The following NRG2 variants were observed in gnomAD, a reference collection of about 807,000 sequenced individuals.
NRG2 encodes the protein neuregulin 2, also known as pro-neuregulin-2, membrane-bound isoform.
NRG2 carries 27 observed loss-of-function variants against 73.9 expected under a neutral mutation model. The observed-to-expected ratio is 0.37, with a 90% confidence interval of 0.27 to 0.50. NRG2 has a LOEUF of 0.50. NRG2 is among the 20% of genes least tolerant of loss of function. The pLI is 0.96. For synonymous variants in NRG2, 532 were observed against 541.0 expected, an observed-to-expected ratio of 0.98 and a Z score of 0.23; for missense variants, 1,126 against 1,210.1, an observed-to-expected ratio of 0.93 and a Z score of 1.03.
intron 5 of NRG2, chr5:139,859,900 A>C (rs1034083138): frequency 6.8e-6 from 11 of 1,612,022 alleles, no homozygotes; most frequent in Non-Finnish European, 9.3e-6. Flanking sequence ...CTTTAATTCA[A>C]ATCCAAGGTG....
chr5:139,968,660 C>T (rs1186008797), intron 1 of NRG2, among the ~76,000 whole-genome samples: 1 of 152,214 alleles, frequency 6.6e-6, no homozygotes. Flanking sequence ...CGTTCGGCGG[C>T]CTTTCACTGA....
At chr5:140,021,739 A>C (rs1452242287) in intron 1 of NRG2, among the ~76,000 whole-genome samples, 1 of 152,236 alleles carries the variant, frequency 6.6e-6, no homozygotes, top group African/African-American at 2.4e-5. Context: ...TCTGAAGAGC[A>C]AAGGTAGAGA....
intron 1 of NRG2, among the ~76,000 whole-genome samples, chr5:140,023,457 T>C (rs1760399925): frequency 6.6e-6 from 1 of 152,216 alleles, no homozygotes; most frequent in East Asian, 1.9e-4. Context: ...CTAATTAATC[T>C]TCTCGTTCTC....
intron 1 of NRG2, among the ~76,000 whole-genome samples, chr5:139,933,316 G>C (rs1055034731): frequency 6.7e-6 from 1 of 150,282 alleles, no homozygotes; most frequent in Non-Finnish European, 1.5e-5. Context: ...TTCCTCAAAA[G>C]GGACACTTTA....
rs1387655418 is a variant in NRG2 at position 139,848,020 on chromosome 5, T to TCGG, written c.2447_2449dup (p.Ala816dup). 5 of 1,511,534 alleles carry TCGG rather than the reference T, an allele frequency of 3.3e-6. No individual in the cohort carries two copies. The highest frequency in any genetic ancestry group is 4.4e-6 in the Non-Finnish European group (5 of 1,134,870). The allele number at this position is 1,511,534 out of a possible 1,614,324, so 93.6% of individuals were successfully genotyped here. A position where few individuals can be genotyped will look rare whatever the true frequency, so the allele number is the denominator to read the frequency against. On this transcript the variant is annotated inframe_insertion, in exon 10 of 10. Transcript: ENST00000361474. ...GTCCAGTGAGTAGTAAGTCCTGCTG[T>TCGG]CGGCCGCCGGGCACAGTGGCGGCGA...
intron 1 of NRG2, among the ~76,000 whole-genome samples, chr5:140,016,280 C>A (rs1388456548): frequency 2.0e-5 from 3 of 152,168 alleles, no homozygotes; most frequent in Non-Finnish European, 4.4e-5. Context: ...AACCTTGGGG[C>A]AAATGATTTC....
intron 6 of NRG2, among the ~76,000 whole-genome samples, chr5:139,854,573 A>G (rs1354401451): frequency 1.3e-5 from 2 of 152,288 alleles, no homozygotes; most frequent in East Asian, 1.9e-4. Flanking sequence ...CTCTGGGCTC[A>G]CTGGGCCCCA....
chr5:139,968,579 G>A (rs923744739), intron 1 of NRG2, among the ~76,000 whole-genome samples: 2 of 152,236 alleles, frequency 1.3e-5, no homozygotes, highest in South Asian at 2.1e-4. Flanking sequence ...CTGGAAGGAG[G>A]AAGGAGGGCT....
chr5:139,849,881 GCAATCTTGTA>G, intron 9 of NRG2, among the ~76,000 whole-genome samples: 1 of 152,308 alleles, frequency 6.6e-6, no homozygotes, highest in African/African-American at 2.4e-5. Flanking sequence ...AGTTCCCAGA[GCAATCTTGTA>G]AAGTCACAGC....
intron 1 of NRG2, among the ~76,000 whole-genome samples, chr5:139,952,733 C>T (rs1166177382): frequency 1.3e-5 from 2 of 152,148 alleles, no homozygotes; most frequent in Non-Finnish European, 2.9e-5. Flanking sequence ...CTCAGTGCTT[C>T]AATGCTCCAA....
At chr5:139,952,145 T>C (rs2126468028) in intron 1 of NRG2, among the ~76,000 whole-genome samples, 1 of 152,318 alleles carries the variant, frequency 6.6e-6, no homozygotes, top group East Asian at 1.9e-4. Flanking sequence ...TATAATATAT[T>C]TAAAGCATCT....
chr5:139,976,880 G>A (rs2126547839), intron 1 of NRG2, among the ~76,000 whole-genome samples: 1 of 152,366 alleles, frequency 6.6e-6, no homozygotes, highest in South Asian at 2.1e-4. Context: ...GCATGGGAGT[G>A]AGAGAGCCCA....
intron 1 of NRG2, among the ~76,000 whole-genome samples, chr5:139,990,969 G>C (rs761279891): frequency 6.6e-6 from 1 of 151,950 alleles, no homozygotes; most frequent in Non-Finnish European, 1.5e-5. Context: ...TTCTTTAAGC[G>C]GTCTTTTGGT....
intron 1 of NRG2, among the ~76,000 whole-genome samples, chr5:139,923,655 TG>T (rs1751842813): frequency 6.6e-6 from 1 of 152,210 alleles, no homozygotes; most frequent in Non-Finnish European, 1.5e-5. Context: ...TTGGGGGCTC[TG>T]GCCCTCTGGT....
At chr5:140,002,803 G>C (rs1758592006) in intron 1 of NRG2, among the ~76,000 whole-genome samples, 1 of 152,196 alleles carries the variant, frequency 6.6e-6, no homozygotes, top group African/African-American at 2.4e-5. Flanking sequence ...CAATTTGAAG[G>C]CTATTAAAAC....
At chr5:139,882,147 C>T (rs1328063179) in intron 2 of NRG2, among the ~76,000 whole-genome samples, 1 of 152,060 alleles carries the variant, frequency 6.6e-6, no homozygotes, top group Non-Finnish European at 1.5e-5. Context: ...TGGGGGAATA[C>T]GAGGGAGGGC....
At chr5:139,962,639 AG>A (rs1381727365) in intron 1 of NRG2, among the ~76,000 whole-genome samples, 1 of 152,148 alleles carries the variant, frequency 6.6e-6, no homozygotes, top group Non-Finnish European at 1.5e-5. Context: ...GAAGTTACAC[AG>A]GGGGCTTCTT....
chr5:139,905,862 A>G (rs1486433034), intron 1 of NRG2, among the ~76,000 whole-genome samples: 1 of 151,992 alleles, frequency 6.6e-6, no homozygotes, highest in Non-Finnish European at 1.5e-5. Flanking sequence ...TTCAGTTTCC[A>G]AAATGGCATT....
intron 1 of NRG2, among the ~76,000 whole-genome samples, chr5:139,998,914 G>A (rs1341324284): frequency 6.6e-6 from 1 of 152,128 alleles, no homozygotes; most frequent in East Asian, 1.9e-4. Flanking sequence ...CTAGATTATA[G>A]CAGAAGACTC....
Sources: allele counts gnomAD v4.1 joint callset (sites outside exome capture counted in the v4.1 genomes callset), GRCh38; gene constraint gnomAD v4.1.1; transcripts MANE v1.5; gene names NCBI Gene and HGNC (gene_info 2026-07-23, HGNC 2026-07-21).